The following AOX1 variants were observed in gnomAD, a reference collection of about 807,000 sequenced individuals.
AOX1 encodes the protein aldehyde oxidase.
In AOX1, 153 loss-of-function variants were observed where a neutral mutation model predicts 169.5. The observed-to-expected ratio is 0.90, with a 90% CI of 0.79 to 1.03. The LOEUF (loss-of-function observed/expected upper bound fraction) is 1.03. Ranked by LOEUF, AOX1 falls within the 50% of genes least tolerant of loss-of-function variation. AOX1 has a pLI of 0.00. For missense variants in AOX1, 1,656 were observed against 1,663.9 expected, an observed-to-expected ratio of 1.00 and a Z score of 0.08; for synonymous variants, 562 against 581.9, an observed-to-expected ratio of 0.97 and a Z score of 0.49.
At chr2:200,596,738 A>G (rs946272153) in intron 3 of AOX1, among the ~76,000 whole-genome samples, 5 of 152,132 alleles carry the variant, frequency 3.3e-5, no homozygotes, top group African/African-American at 1.2e-4. Context: ...TCTCTTATGA[A>G]GGGGTTGTCA....
intron 21 of AOX1, among the ~76,000 whole-genome samples, chr2:200,636,283 C>T (rs2035231432): frequency 6.6e-6 from 1 of 151,960 alleles, no homozygotes; most frequent in Non-Finnish European, 1.5e-5. Flanking sequence ...CACGCACCAC[C>T]ATGCCCAACT....
In AOX1 at chr2:200,627,403, T is replaced by C. The variant is rs777739475; in HGVS notation, c.2175T>C (p.Tyr725=). The change falls in exon 20 of 35, where the codon TAT becomes TAC. Residue 725 remains tyrosine, a synonymous_variant. Transcript: ENST00000374700. ...TCAAGCCAGAAAGGAAACTGGAATA[T>C]GGAAATGTTGACGAAGCATTTAAAG... is the stretch of plus-strand genomic sequence containing the variant. ...SSFKPERKLE[Y]GNVDEAFKVV... The C allele has an allele frequency of 1.9e-6, 3 of 1,613,948 alleles. No homozygotes were observed. Among genetic ancestry groups the C allele is most frequent in the East Asian group, 2.2e-5 (1 of 44,882 alleles).
At chr2:200,609,536 C>T in intron 12 of AOX1, 122 bp downstream of exon 12, 1 of 782,922 alleles carries the variant, frequency 1.3e-6, no homozygotes. Context: ...CATTTCTCTG[C>T]TTTTCTGGAT....
rs531410404 is a variant in AOX1 at position 200,653,389 on chromosome 2, T to C, written c.3075+2188T>C. Among the ~76,000 whole-genome samples the C allele has an allele frequency of 1.6e-4, 25 of 152,296 alleles. No individual in the cohort carries two copies. The South Asian group carries it at 4.1e-3, about 25-fold the overall frequency. On this transcript the variant is annotated intron_variant, in intron 26 of 34. Coordinates refer to ENST00000374700, the MANE Select transcript of AOX1 (RefSeq NM_001159.4). ...ATAGAGGAGGAAACTAGACATGATA[T>C]TTGAGTGCCTTCTCCATGGAAGGAC...
Position 200,659,088 on chromosome 2 carries a change from T to C in AOX1, c.3172-77T>C, listed in dbSNP as rs370373051. ...GTCATGGGTATGAGGGTATCACACA[T>C]GTGTTACCACGTGGGCATGTGCACA... On this transcript the variant is annotated intron_variant, in intron 27 of 34. Coordinates refer to ENST00000374700, the MANE Select transcript of AOX1 (RefSeq NM_001159.4). 2.3e-4 allele frequency: 324 copies of C among 1,437,430 alleles called. No individual in the cohort carries two copies. In the African/African-American group the frequency reaches 4.0e-3, roughly 18 times the overall value. The allele number at this position is 1,437,430 out of a possible 1,614,324, so 89.0% of individuals were successfully genotyped here.
chr2:200,615,774 A>G (rs1479179355), intron 15 of AOX1, among the ~76,000 whole-genome samples, 197 bp from the exon 16 acceptor site: 1 of 152,222 alleles, frequency 6.6e-6, no homozygotes, highest in East Asian at 1.9e-4. Context: ...ATGAGGAAAT[A>G]TGTATGCACC....
intron 5 of AOX1, among the ~76,000 whole-genome samples, chr2:200,600,677 A>G (rs371178415): frequency 1.1e-4 from 17 of 152,188 alleles, no homozygotes; most frequent in African/African-American, 4.1e-4. Context: ...GGAAAACCAG[A>G]ACAAATGGAT....
At chr2:200,599,559 A>C in intron 4 of AOX1, 61 bp from the exon 5 acceptor site, 2,839 of 1,108,386 alleles carry the variant, frequency 2.6e-3, no homozygotes, top group Non-Finnish European at 3.0e-3. Context: ...TGCAGGCTCT[A>C]ATTCATTAGG....
chr2:200,597,459 C>A lies in AOX1; in HGVS notation c.263C>A (p.Thr88Lys), dbSNP rs1559231027. Reference protein sequence around the residue: ...ICSLYGAAVTTVEGIGSTHTR... With the variant: ...ICSLYGAAVTKVEGIGSTHTR... ...TCTCTGTATGGTGCTGCCGTCACCA[C>A]AGTAGAAGGCATAGGAAGCACCCAC... is the stretch of plus-strand genomic sequence containing the variant. Residue 88 changes from threonine (T) to lysine (K), a missense_variant, in exon 4 of 35, where the codon ACA becomes AAA. Thr to Lys is a moderately conservative substitution (Grantham distance 78). Transcript: ENST00000374700. 4 of 1,612,704 alleles carry A rather than the reference C, an allele frequency of 2.5e-6. No individual in the cohort carries two copies. Among genetic ancestry groups the A allele is most frequent in the Non-Finnish European group, 3.4e-6 (4 of 1,179,380 alleles).
At chr2:200,680,673 G>A (rs1221610545), downstream of AOX1, among the ~76,000 whole-genome samples, 1 of 152,104 alleles carries the variant, frequency 6.6e-6, no homozygotes, top group African/African-American at 2.4e-5. Flanking sequence ...AGCCTCATGA[G>A]TAGCTGGGAT....
chr2:200,614,116 G>A (rs1333106363), intron 15 of AOX1, 150 bp downstream of exon 15: 3 of 729,882 alleles, frequency 4.1e-6, no homozygotes, highest in Non-Finnish European at 6.5e-6. Context: ...CCCTCAGCCT[G>A]TCTGTGGGTG....
chr2:200,610,498 A>C (rs954912232), intron 12 of AOX1, among the ~76,000 whole-genome samples: 12 of 152,242 alleles, frequency 7.9e-5, no homozygotes, highest in African/African-American at 2.9e-4. Flanking sequence ...CTTAGCTTTC[A>C]GTATTTTGTT....
chr2:200,593,079 T>C (rs940810837), intron 1 of AOX1, 67 bp from the exon 2 acceptor site: 5 of 1,223,794 alleles, frequency 4.1e-6, no homozygotes, highest in South Asian at 2.4e-5. Context: ...CTCAAATTAG[T>C]GTGATCCTAC....
intron 15 of AOX1, among the ~76,000 whole-genome samples, chr2:200,615,029 A>T (rs1461144778): frequency 6.6e-6 from 1 of 151,324 alleles, no homozygotes; most frequent in African/African-American, 2.4e-5. Context: ...TTTTTTTGAG[A>T]CAGGGTCTCT....
In AOX1 at chr2:200,668,121, T is replaced by C. The variant is rs1375261198; in HGVS notation, c.3610-494T>C. Among the ~76,000 whole-genome samples, 4 of 151,756 alleles carry C rather than the reference T, an allele frequency of 2.6e-5. No homozygotes were observed. The East Asian group carries it at 5.8e-4, about 22-fold the overall frequency. On this transcript the variant is annotated intron_variant, in intron 32 of 34. Transcript: ENST00000374700. ...TTATTATTATTATTATTTTTTTTTT[T>C]TGAGACTAAGTTTTGCTCTTGTTGC... is the stretch of plus-strand genomic sequence containing the variant.
At chr2:200,608,245 A>G (rs965071518) in intron 10 of AOX1, among the ~76,000 whole-genome samples, 3 of 152,214 alleles carry the variant, frequency 2.0e-5, no homozygotes, top group Admixed American at 6.5e-5. Flanking sequence ...AATTGTCTGA[A>G]TAGTTCAGTT....
chr2:200,642,529 C>T (rs1442621659), intron 24 of AOX1, 81 bp from the exon 25 acceptor site: 10 of 1,171,862 alleles, frequency 8.5e-6, no homozygotes, highest in East Asian at 2.5e-5. Context: ...CTGCCATTTT[C>T]GGCCTGGTTT....
chr2:200,645,486 G>T (rs2105751897), intron 25 of AOX1, among the ~76,000 whole-genome samples: 1 of 152,242 alleles, frequency 6.6e-6, no homozygotes, highest in East Asian at 1.9e-4. Context: ...TTTTGTTAAA[G>T]ATTTTAGCAT....
At chr2:200,600,196 TG>T (rs1170935293) in intron 5 of AOX1, among the ~76,000 whole-genome samples, 2 of 152,208 alleles carry the variant, frequency 1.3e-5, no homozygotes, top group Non-Finnish European at 2.9e-5. Flanking sequence ...ATTTGGCTGA[TG>T]TATTTCTGAA....
Sources: gnomAD v4.1 joint callset for allele counts (sites outside exome capture counted in the v4.1 genomes callset) on GRCh38, gnomAD v4.1.1 for gene constraint, MANE v1.5 for transcripts, NCBI Gene and HGNC (gene_info 2026-07-23, HGNC 2026-07-21) for gene names.